ATF6: variants seen among roughly 807,000 people sequenced by gnomAD.
ATF6 encodes activating transcription factor 6, also known as cyclic AMP-dependent transcription factor ATF-6 alpha.
A neutral mutation model predicts 83.6 loss-of-function variants in ATF6; 53 were observed. That is an observed-to-expected ratio of 0.63 (90% CI 0.51 to 0.80). The LOEUF is 0.80. Ranked by LOEUF, ATF6 falls within the 30% of genes least tolerant of loss-of-function variation. ATF6 has a pLI of 0.00. For synonymous variants in ATF6, 288 were observed against 285.8 expected, an observed-to-expected ratio of 1.01 and a Z score of -0.08; for missense variants, 744 against 797.9, an observed-to-expected ratio of 0.93 and a Z score of 0.81.
chr1:161,874,927 C>A (rs924006519), intron 14 of ATF6, among the ~76,000 whole-genome samples: 2 of 151,724 alleles, frequency 1.3e-5, no homozygotes, highest in African/African-American at 4.8e-5. Flanking sequence ...CCTAACCTTT[C>A]AGGCTCCTAT....
At chr1:161,954,130 AACCAGG>A (rs527302768) in intron 15 of ATF6, among the ~76,000 whole-genome samples, 131 of 152,298 alleles carry the variant, frequency 8.6e-4, no homozygotes, top group African/African-American at 3.0e-3. Flanking sequence ...GGATGGTCAA[AACCAGG>A]ACTCAGATTG....
chr1:161,785,462 T>C (rs1406431604), intron 4 of ATF6, among the ~76,000 whole-genome samples: 1 of 152,196 alleles, frequency 6.6e-6, no homozygotes, highest in Non-Finnish European at 1.5e-5. Flanking sequence ...TTTTTTAGCT[T>C]AGCAGGATAA....
chr1:161,786,400 C>T (rs1474101456), intron 4 of ATF6, among the ~76,000 whole-genome samples: 1 of 151,590 alleles, frequency 6.6e-6, no homozygotes, highest in African/African-American at 2.4e-5. Context: ...ATATTTTTTC[C>T]CCAATTTTTC....
At chr1:161,860,322 G>A in intron 13 of ATF6, 45 bp downstream of exon 13, 3 of 1,387,672 alleles carry the variant, frequency 2.2e-6, no homozygotes, top group East Asian at 2.4e-5. Flanking sequence ...TAAAATAGCT[G>A]GTATTTTAAG....
chr1:161,917,641 C>T (rs1038173887), intron 15 of ATF6, among the ~76,000 whole-genome samples: 9 of 152,098 alleles, frequency 5.9e-5, no homozygotes, highest in African/African-American at 9.7e-5. Flanking sequence ...AGGATGGTTT[C>T]GATGTCCTGA....
intron 7 of ATF6, among the ~76,000 whole-genome samples, chr1:161,808,328 A>G (rs1347689425): frequency 6.6e-6 from 1 of 152,136 alleles, no homozygotes. Flanking sequence ...GTCCTTTTAT[A>G]CCCCAGAGAC....
chr1:161,879,194 T>C (rs981800315), intron 14 of ATF6, among the ~76,000 whole-genome samples: 1 of 152,056 alleles, frequency 6.6e-6, no homozygotes, highest in African/African-American at 2.4e-5. Flanking sequence ...GTTTTCCCAG[T>C]GAAGGACATC....
At chr1:161,946,326 A>G (rs575855517) in intron 15 of ATF6, among the ~76,000 whole-genome samples, 14 of 152,312 alleles carry the variant, frequency 9.2e-5, no homozygotes, top group African/African-American at 2.6e-4. Flanking sequence ...AGAAGTGAAT[A>G]TTAGGAGGAG....
intron 12 of ATF6, among the ~76,000 whole-genome samples, chr1:161,853,599 A>G (rs1030870930): frequency 3.4e-4 from 51 of 152,212 alleles, no homozygotes; most frequent in African/African-American, 1.1e-3. Context: ...AGGAGTTCCT[A>G]TGCATGGATA....
intron 15 of ATF6, among the ~76,000 whole-genome samples, chr1:161,946,383 C>T (rs540268001): frequency 2.6e-5 from 4 of 152,272 alleles, no homozygotes; most frequent in East Asian, 3.9e-4. Context: ...AACACTCCAG[C>T]GATACAACTA....
At chr1:161,795,788 A>G (rs1368607611) in intron 6 of ATF6, among the ~76,000 whole-genome samples, 2 of 152,322 alleles carry the variant, frequency 1.3e-5, no homozygotes, top group Non-Finnish European at 2.9e-5. Context: ...TAAGGCCCCA[A>G]ACAATTCTTT....
intron 15 of ATF6, among the ~76,000 whole-genome samples, chr1:161,943,144 A>G (rs1014857043): frequency 6.0e-4 from 92 of 152,224 alleles, no homozygotes; most frequent in African/African-American, 2.2e-3. Flanking sequence ...ATGAGCTACC[A>G]CACCCAGCCC....
intron 9 of ATF6, 91 bp downstream of exon 9, chr1:161,821,252 G>A: frequency 6.7e-6 from 6 of 895,280 alleles, no homozygotes; most frequent in South Asian, 1.7e-5. Flanking sequence ...GAGAAAAAAT[G>A]ATTTGTTTTT....
chr1:161,794,420 G>A (rs988633438), intron 6 of ATF6, among the ~76,000 whole-genome samples: 3 of 152,050 alleles, frequency 2.0e-5, no homozygotes, highest in East Asian at 1.9e-4. Context: ...TCTCTAGCTT[G>A]GAATGTAAAA....
At chr1:161,914,372 A>C (rs1272207001) in intron 15 of ATF6, among the ~76,000 whole-genome samples, 1 of 152,100 alleles carries the variant, frequency 6.6e-6, no homozygotes, top group Non-Finnish European at 1.5e-5. Flanking sequence ...AATCTGTCAC[A>C]TCACACTTTA....
At position 161,819,657 on chromosome 1, in the gene ATF6, C is replaced by T. The variant is rs1377102334; in HGVS notation, c.934C>T (p.Arg312Cys). Residue 312 changes from arginine (R) to cysteine (C), a missense_variant, in exon 8 of 16, where the codon CGT becomes TGT. Coordinates refer to ENST00000367942, the MANE Select transcript of ATF6 (RefSeq NM_007348.4). ...SDIAVLRRQQRMIKNRESACQ... is the reference protein window; with the variant it reads ...SDIAVLRRQQCMIKNRESACQ... ...GATTGCTGTGCTAAGGAGACAGCAA[C>T]GTATGATAAAAAATCGAGAATCCGC... The T allele has an allele frequency of 7.5e-6, 12 of 1,608,452 alleles. No individual in the cohort carries two copies. The highest frequency in any genetic ancestry group is 4.5e-5 in the East Asian group (2 of 44,444).
intron 14 of ATF6, among the ~76,000 whole-genome samples, chr1:161,871,317 A>G (rs1687118744): frequency 6.6e-6 from 1 of 151,566 alleles, no homozygotes; most frequent in South Asian, 2.1e-4. Context: ...AAAGACTTCT[A>G]AAGTTACTTT....
At chr1:161,822,984 T>C (rs920530133) in intron 9 of ATF6, among the ~76,000 whole-genome samples, 3 of 152,190 alleles carry the variant, frequency 2.0e-5, no homozygotes, top group Admixed American at 6.5e-5. Flanking sequence ...CTTTAAAATA[T>C]GTGAATACAT....
chr1:161,805,149 A>T lies in ATF6; in HGVS notation c.909+2877A>T, dbSNP rs371561919. 7.1e-4 allele frequency among the ~76,000 whole-genome samples: 108 copies of T among 152,258 alleles called. 1 individual carries two copies. The East Asian group carries it at 0.017, about 24-fold the overall frequency. On this transcript the variant is annotated intron_variant, in intron 7 of 15. Transcript: ENST00000367942. The stretch of plus-strand genomic sequence containing the variant: ...ATGTCTACATTTATTGTATGAATGT[A>T]TATTCAGATGAGGTTAATTTTTTTA...
Sources: allele counts gnomAD v4.1 joint callset (sites outside exome capture counted in the v4.1 genomes callset), GRCh38; gene constraint gnomAD v4.1.1; transcripts MANE v1.5; gene names NCBI Gene and HGNC (gene_info 2026-07-23, HGNC 2026-07-21).